Variants in VGLL4 observed in about 807,000 individuals in gnomAD.
The protein encoded by VGLL4 is transcription cofactor vestigial-like protein 4.
A neutral mutation model predicts 21.0 loss-of-function variants in VGLL4; 7 were observed. The ratio of observed to expected loss-of-function variants is 0.33; its 90% CI spans 0.19 to 0.63. VGLL4 has a LOEUF of 0.63. Ranked by LOEUF, VGLL4 falls within the 20% of genes least tolerant of loss-of-function variation. The pLI, the probability that VGLL4 is intolerant of heterozygous loss-of-function variation, is 0.78. For synonymous variants in VGLL4, 222 were observed against 173.2 expected (o/e 1.28, Z -2.21); for missense variants, 394 against 425.7 (o/e 0.93, Z 0.66).
At chr3:11,627,651 T>TA (rs2075384007) in intron 1 of VGLL4, among the ~76,000 whole-genome samples, 2 of 151,728 alleles carry the variant, frequency 1.3e-5, no homozygotes, top group South Asian at 4.1e-4. Context: ...ATCGCAGTAT[T>TA]ACGTTAAATG....
In VGLL4 at chr3:11,671,336, G is replaced by A. The variant is rs770266090; in HGVS notation, c.64+31635C>T. On this transcript the variant is annotated intron_variant, in intron 2 of 5. Coordinates refer to the VGLL4 transcript ENST00000273038. ...GATTTTGTCAAAATGCGTATTCTCA[G>A]TCATCAGTTCCGCAGCGAGGACTAC... The A allele has an allele frequency of 5.8e-6, 8 of 1,384,604 alleles. No individual in the cohort carries two copies. In the South Asian group the frequency reaches 6.9e-5, roughly 12 times the overall value. The allele number at this position is 1,384,604 out of a possible 1,614,324, so 85.8% of individuals were successfully genotyped here. A position where few individuals can be genotyped will look rare whatever the true frequency, so the allele number is the denominator to read the frequency against.
rs1203044477 is a variant in VGLL4 at position 11,557,042 on chromosome 3, A to C, written c.*1514T>G. On this transcript the variant is annotated 3_prime_UTR_variant, in exon 5 of 5. Transcript: ENST00000430365. ...GTGTGCAGAGTCCACAAAGCCTTGC[A>C]GGTGAGGTGACCACGCCCACGTCAC... The C allele has an allele frequency of 1.3e-5, 2 of 152,500 alleles. No individual in the cohort carries two copies. Among genetic ancestry groups the C allele is most frequent in the African/African-American group, 4.8e-5 (2 of 41,458 alleles). 9.4% of individuals were successfully genotyped at this position (152,500 alleles called of 1,614,324 possible).
Position 11,556,858 on chromosome 3 carries a change from G to T in VGLL4, c.*1698C>A, listed in dbSNP as rs1187308397. The T allele has an allele frequency of 6.5e-6, 1 of 152,810 alleles. No homozygotes were observed. The highest frequency in any genetic ancestry group is 2.4e-5 in the African/African-American group (1 of 41,466). The allele number at this position is 152,810 out of a possible 1,614,324, so 9.5% of individuals were successfully genotyped here. ...AGCTTGGAAGCCCAGTACAGTGGGA[G>T]TGAAATGTGTGCGGGGCAAGGAGAA... On this transcript the variant is annotated 3_prime_UTR_variant, in exon 5 of 5. Coordinates refer to ENST00000430365, the MANE Select transcript of VGLL4 (RefSeq NM_001128219.3).
At chr3:11,571,628 C>T (rs1020753953) in intron 2 of VGLL4, among the ~76,000 whole-genome samples, 4 of 152,146 alleles carry the variant, frequency 2.6e-5, no homozygotes, top group African/African-American at 9.7e-5. Flanking sequence ...GACAGAGCCA[C>T]TGCACTCCAG....
At chr3:11,698,771 T>G (rs2076639995) in intron 2 of VGLL4, among the ~76,000 whole-genome samples, 1 of 152,240 alleles carries the variant, frequency 6.6e-6, no homozygotes, top group African/African-American at 2.4e-5. Context: ...ACTATTTATT[T>G]TAGCTCTACA....
intron 2 of VGLL4, among the ~76,000 whole-genome samples, chr3:11,678,378 C>T (rs982038542): frequency 2.6e-5 from 4 of 152,180 alleles, no homozygotes; most frequent in African/African-American, 9.7e-5. Context: ...GTTTGATTCA[C>T]ACCACATAAA....
intron 1 of VGLL4, chr3:11,626,233 C>G (rs2075349931): frequency 2.5e-6 from 1 of 405,592 alleles, no homozygotes; most frequent in Non-Finnish European, 4.9e-6. Context: ...GCAGTGGTAA[C>G]CAAATACGGA....
At chr3:11,616,243 T>C (rs2075160797) in intron 1 of VGLL4, among the ~76,000 whole-genome samples, 1 of 152,158 alleles carries the variant, frequency 6.6e-6, no homozygotes, top group African/African-American at 2.4e-5. Flanking sequence ...TCCCTCACTT[T>C]CAGGTCTGGT....
At chr3:11,587,161 C>T (rs929548750) in intron 2 of VGLL4, among the ~76,000 whole-genome samples, 2 of 152,220 alleles carry the variant, frequency 1.3e-5, no homozygotes, top group Non-Finnish European at 2.9e-5. Flanking sequence ...GAGCAGATCA[C>T]AAAGTCCTTG....
chr3:11,595,134 C>T (rs1289718869), intron 2 of VGLL4, among the ~76,000 whole-genome samples: 1 of 152,100 alleles, frequency 6.6e-6, no homozygotes. Flanking sequence ...GCACTCCAGC[C>T]TGGGCAACAA....
At chr3:11,690,015 C>T (rs1436387234) in intron 2 of VGLL4, among the ~76,000 whole-genome samples, 1 of 152,162 alleles carries the variant, frequency 6.6e-6, no homozygotes, top group Non-Finnish European at 1.5e-5. Flanking sequence ...CCCAACACCC[C>T]CTCAAGGATC....
At chr3:11,661,711 A>T (rs1349802090) in intron 2 of VGLL4, among the ~76,000 whole-genome samples, 2 of 152,110 alleles carry the variant, frequency 1.3e-5, no homozygotes, top group Non-Finnish European at 2.9e-5. Flanking sequence ...ACCTCAGGTG[A>T]TCTGCCCGCC....
intron 1 of VGLL4, among the ~76,000 whole-genome samples, chr3:11,611,318 C>G (rs374266892): frequency 6.6e-6 from 1 of 152,250 alleles, no homozygotes; most frequent in East Asian, 1.9e-4. Context: ...GTCCCTATAA[C>G]AAGAGATTAG....
upstream of VGLL4, among the ~76,000 whole-genome samples, chr3:11,644,827 CAG>C (rs1317134170): frequency 2.6e-5 from 3 of 113,782 alleles, no homozygotes; most frequent in African/African-American, 1.1e-4. Flanking sequence ...GCCTGGGCAA[CAG>C]AGTGAGACTT....
chr3:11,585,581 CA>C (rs2074343746), intron 2 of VGLL4, among the ~76,000 whole-genome samples: 2 of 152,068 alleles, frequency 1.3e-5, no homozygotes, highest in African/African-American at 4.8e-5. Flanking sequence ...GAAAAAGGGA[CA>C]GGGGAATGTT....
chr3:11,701,335 C>G (rs756401621), intron 2 of VGLL4, among the ~76,000 whole-genome samples: 1 of 140,670 alleles, frequency 7.1e-6, no homozygotes, highest in Non-Finnish European at 1.6e-5. Context: ...AGTAAAAGCT[C>G]TCTGAGGCCT....
intron 2 of VGLL4, among the ~76,000 whole-genome samples, chr3:11,588,778 G>T (rs12633841): frequency 0.27 from 40,377 of 152,146 alleles, 6,135 homozygotes; most frequent in African/African-American, 0.42. Context: ...AGTGCTGGAA[G>T]AACAATGGAG....
intron 1 of VGLL4, among the ~76,000 whole-genome samples, chr3:11,614,553 G>A (rs985756220): frequency 1.3e-5 from 2 of 152,270 alleles, no homozygotes; most frequent in Admixed American, 1.3e-4. Context: ...CGGAGCTGCA[G>A]TGGGCAGGTA....
intron 2 of VGLL4, among the ~76,000 whole-genome samples, chr3:11,665,039 A>G (rs909342217): frequency 2.7e-5 from 4 of 148,274 alleles, no homozygotes; most frequent in Admixed American, 1.3e-4. Context: ...AATCATTTTG[A>G]TTAATTCCAA....
Sources: gnomAD v4.1 joint callset for allele counts (sites outside exome capture counted in the v4.1 genomes callset) on GRCh38, gnomAD v4.1.1 for gene constraint, MANE v1.5 for transcripts, NCBI Gene and HGNC (gene_info 2026-07-23, HGNC 2026-07-21) for gene names.